The following KIF5C variants were observed in gnomAD, a reference collection of about 807,000 sequenced individuals.
KIF5C encodes kinesin heavy chain isoform 5C.
In KIF5C, 18 loss-of-function variants were observed where a neutral mutation model predicts 125.2. The ratio of observed to expected loss-of-function variants is 0.14; its 90% CI spans 0.10 to 0.21. The LOEUF is 0.21. KIF5C is among the 10% of genes least tolerant of loss of function. The pLI is 1.00. For missense variants in KIF5C, 780 were observed against 1,183.8 expected, an observed-to-expected ratio of 0.66 and a Z score of 5.01; for synonymous variants, 405 against 434.0, an observed-to-expected ratio of 0.93 and a Z score of 0.83.
intron 1 of KIF5C, among the ~76,000 whole-genome samples, chr2:148,919,272 C>T (rs959583466): frequency 5.3e-5 from 8 of 152,258 alleles, no homozygotes; most frequent in Non-Finnish European, 8.8e-5. Context: ...TTGAAAGAAA[C>T]GCCAGCAAAG....
chr2:148,971,177 A>G (rs1680892060), intron 11 of KIF5C, among the ~76,000 whole-genome samples: 1 of 152,186 alleles, frequency 6.6e-6, no homozygotes, highest in Admixed American at 6.5e-5. Context: ...GGAGGGGTGA[A>G]GGAGGACTTT....
intron 1 of KIF5C, among the ~76,000 whole-genome samples, chr2:148,887,021 C>T (rs1345002873): frequency 6.6e-6 from 1 of 152,170 alleles, no homozygotes; most frequent in South Asian, 2.1e-4. Flanking sequence ...TAACATTGCG[C>T]TGTCCAAATG....
chr2:149,011,325 G>T (rs1293951293), intron 24 of KIF5C, among the ~76,000 whole-genome samples: 1 of 152,148 alleles, frequency 6.6e-6, no homozygotes, highest in African/African-American at 2.4e-5. Context: ...ACTTTTCTTG[G>T]CCCAAATTAG....
At chr2:148,980,201 T>A (rs777175632) in intron 13 of KIF5C, among the ~76,000 whole-genome samples, 1 of 152,190 alleles carries the variant, frequency 6.6e-6, no homozygotes. Context: ...AATCTACACT[T>A]TTGTAATCAG....
At chr2:148,990,327 A>C (rs1681491933) in intron 15 of KIF5C, among the ~76,000 whole-genome samples, 1 of 152,216 alleles carries the variant, frequency 6.6e-6, no homozygotes, top group African/African-American at 2.4e-5. Flanking sequence ...ATCTTAAATA[A>C]TGAGCTAGAT....
At chr2:149,004,509 C>G (rs899051973) in intron 21 of KIF5C, among the ~76,000 whole-genome samples, 1 of 152,084 alleles carries the variant, frequency 6.6e-6, no homozygotes, top group South Asian at 2.1e-4. Context: ...GGCTCAGGCT[C>G]TTGTCTCAGT....
intron 3 of KIF5C, chr2:148,935,041 T>G: frequency 2.4e-6 from 1 of 419,696 alleles, no homozygotes; most frequent in Non-Finnish European, 4.8e-6. Context: ...GCCCAGCTCC[T>G]AGGCCTGTGG....
At chr2:148,985,423 T>G (rs1313066346) in intron 15 of KIF5C, among the ~76,000 whole-genome samples, 3 of 152,184 alleles carry the variant, frequency 2.0e-5, no homozygotes, top group African/African-American at 7.2e-5. Context: ...ATAATGAATG[T>G]CCCCATCTCC....
At chr2:148,907,228 C>T (rs1235937958) in intron 1 of KIF5C, among the ~76,000 whole-genome samples, 1 of 151,196 alleles carries the variant, frequency 6.6e-6, no homozygotes, top group Non-Finnish European at 1.5e-5. Flanking sequence ...GAGAGCAGTC[C>T]CCTGACAGTG....
chr2:148,908,528 A>G (rs1471936594), intron 1 of KIF5C, among the ~76,000 whole-genome samples: 1 of 152,204 alleles, frequency 6.6e-6, no homozygotes, highest in Admixed American at 6.5e-5. Context: ...GGTTATGGAC[A>G]TGGGCTCTTG....
At chr2:149,011,731 C>A in intron 25 of KIF5C, 48 bp downstream of exon 25, 8 of 1,610,494 alleles carry the variant, frequency 5.0e-6, no homozygotes, top group Middle Eastern at 1.7e-4. Flanking sequence ...GCAGAGGCTT[C>A]TTGCCTTTCC....
chr2:148,998,001 G>T, intron 18 of KIF5C: 1 of 221,810 alleles, frequency 4.5e-6, no homozygotes, highest in Non-Finnish European at 9.2e-6. Context: ...AGTGGGCAGG[G>T]CAGGGGCTTT....
chr2:148,914,601 G>A (rs954191226), intron 1 of KIF5C, among the ~76,000 whole-genome samples: 4 of 152,246 alleles, frequency 2.6e-5, no homozygotes, highest in East Asian at 1.9e-4. Flanking sequence ...TTCTCAATAC[G>A]TGAAGTGGTT....
In KIF5C at chr2:149,014,904, T is replaced by G. The variant is rs561987307; in HGVS notation, c.*7+3221T>G. On this transcript the variant is annotated intron_variant, in intron 25 of 25. Transcript: ENST00000435030. ...GACATAAGGGCTTTTAAAGATAATATTGGCCGGGCATGGCGGGTCATGCCT... is the reference window on the plus strand; with the variant it reads ...GACATAAGGGCTTTTAAAGATAATAGTGGCCGGGCATGGCGGGTCATGCCT... Among the ~76,000 whole-genome samples the G allele has an allele frequency of 5.3e-5, 8 of 152,268 alleles. 1 individual carries two copies. Among genetic ancestry groups the G allele is most frequent in the African/African-American group, 1.9e-4 (8 of 41,534 alleles).
chr2:149,000,292 C>A, intron 19 of KIF5C, 131 bp from the exon 20 acceptor site: 1 of 1,186,112 alleles, frequency 8.4e-7, no homozygotes, highest in Non-Finnish European at 1.1e-6. Flanking sequence ...TCTGTGATCC[C>A]TCCAAATCCT....
intron 8 of KIF5C, 30 bp from the exon 9 acceptor site, chr2:148,949,809 C>T (rs1682615895): frequency 1.2e-6 from 2 of 1,610,848 alleles, no homozygotes; most frequent in South Asian, 1.1e-5. Context: ...CCGTCCTGTG[C>T]TGCTCACTGC....
At chr2:148,980,675 CTTATTTAT>C (rs5835290) in intron 13 of KIF5C, among the ~76,000 whole-genome samples, 2,521 of 144,650 alleles carry the variant, frequency 0.017, 48 homozygotes, top group African/African-American at 0.039. Context: ...AGATCCTTTG[CTTATTTAT>C]TTATTTATTT....
chr2:148,986,533 CT>C (rs1681386793), intron 15 of KIF5C, among the ~76,000 whole-genome samples: 1 of 152,162 alleles, frequency 6.6e-6, no homozygotes, highest in Non-Finnish European at 1.5e-5. Context: ...TACTTGACTT[CT>C]GCACATTTGT....
At chr2:148,949,474 C>T (rs1308423864) in intron 8 of KIF5C, among the ~76,000 whole-genome samples, 1 of 152,166 alleles carries the variant, frequency 6.6e-6, no homozygotes, top group Non-Finnish European at 1.5e-5. Flanking sequence ...ATGCTTCCCT[C>T]TGGGCTCCCT....
Sources: gnomAD v4.1 joint callset for allele counts (sites outside exome capture counted in the v4.1 genomes callset) on GRCh38, gnomAD v4.1.1 for gene constraint, MANE v1.5 for transcripts, NCBI Gene and HGNC (gene_info 2026-07-23, HGNC 2026-07-21) for gene names.